FAF1: variants seen among roughly 807,000 people sequenced by gnomAD.
FAF1 encodes the protein FAS-associated factor 1.
FAF1 carries 25 observed loss-of-function variants against 92.5 expected under a neutral mutation model. The observed-to-expected ratio is 0.27, with a 90% CI of 0.20 to 0.38. The LOEUF (loss-of-function observed/expected upper bound fraction) is 0.38, where lower values mean the gene tolerates loss of function less well. Ranked by LOEUF, FAF1 falls within the 10% of genes least tolerant of loss-of-function variation. The pLI, the probability that FAF1 is intolerant of heterozygous loss-of-function variation, is 1.00. For missense variants in FAF1, 636 were observed against 793.3 expected, an observed-to-expected ratio of 0.80 and a Z score of 2.38; for synonymous variants, 234 against 273.2, an observed-to-expected ratio of 0.86 and a Z score of 1.42.
At chr1:50,545,356 C>T (rs1648959263) in intron 13 of FAF1, among the ~76,000 whole-genome samples, 1 of 152,006 alleles carries the variant, frequency 6.6e-6, no homozygotes, top group African/African-American at 2.4e-5. Context: ...CTTACTGCAA[C>T]CTCCGCCTCC....
At chr1:50,546,726 G>T (rs1163390843) in intron 13 of FAF1, among the ~76,000 whole-genome samples, 4 of 152,068 alleles carry the variant, frequency 2.6e-5, no homozygotes, top group Non-Finnish European at 5.9e-5. Flanking sequence ...CCTCTGGGGA[G>T]GGTCACATAG....
At chr1:50,510,670 T>TA (rs1191242524) in intron 15 of FAF1, among the ~76,000 whole-genome samples, 6 of 152,216 alleles carry the variant, frequency 3.9e-5, no homozygotes, top group African/African-American at 1.4e-4. Context: ...AGAAAATACT[T>TA]AAACTGTAAA....
chr1:50,890,577 C>A (rs1331274361), intron 1 of FAF1, among the ~76,000 whole-genome samples: 13 of 152,170 alleles, frequency 8.5e-5, no homozygotes, highest in Non-Finnish European at 8.8e-5. Flanking sequence ...AATCTCTCAG[C>A]ATTTGCTTGT....
intron 8 of FAF1, among the ~76,000 whole-genome samples, chr1:50,643,203 TTTTC>T (rs1166515960): frequency 1.3e-5 from 2 of 152,270 alleles, no homozygotes; most frequent in South Asian, 2.1e-4. Flanking sequence ...CTATATTTCT[TTTTC>T]TTTCTTTCTT....
intron 18 of FAF1, among the ~76,000 whole-genome samples, chr1:50,472,424 A>ACACACACACAC (rs1553216761): frequency 2.2e-4 from 21 of 96,146 alleles, no homozygotes; most frequent in African/African-American, 4.7e-4. Context: ...CACACACACA[A>ACACACACACAC]ACCCCAAAAC....
chr1:50,487,463 A>G (rs931071674), intron 17 of FAF1, among the ~76,000 whole-genome samples: 2 of 152,114 alleles, frequency 1.3e-5, no homozygotes, highest in African/African-American at 4.8e-5. Context: ...ATCCCTTTGA[A>G]TTGCATGTAT....
At chr1:50,924,569 T>G (rs1166440985) in intron 1 of FAF1, among the ~76,000 whole-genome samples, 1 of 152,138 alleles carries the variant, frequency 6.6e-6, no homozygotes, top group African/African-American at 2.4e-5. Flanking sequence ...ATCCTTAAGT[T>G]CATATAGAAG....
Position 50,583,421 on chromosome 1 carries a change from T to C in FAF1, c.1031+231A>G, listed in dbSNP as rs1422685568. ...AATAAAAATATTAAATTAGGATCCA[T>C]TTATTGAACGTCCATAAACATACAG... On this transcript the variant is annotated intron_variant, in intron 11 of 18. Coordinates refer to ENST00000396153, the MANE Select transcript of FAF1 (RefSeq NM_007051.3). The surrounding 1 kb of genome is among the most constrained non-coding windows in gnomAD (Gnocchi z 4.2). Among the ~76,000 whole-genome samples the C allele has an allele frequency of 1.3e-5, 2 of 152,022 alleles. No homozygotes were observed. The highest frequency in any genetic ancestry group is 4.8e-5 in the African/African-American group (2 of 41,452).
intron 2 of FAF1, chr1:50,846,810 A>G (rs943986522): frequency 1.6e-6 from 1 of 640,388 alleles, no homozygotes; most frequent in Non-Finnish European, 2.8e-6. Context: ...ACTTAAAGGA[A>G]AATTATATTA....
chr1:50,749,285 C>T (rs138974399), intron 4 of FAF1, among the ~76,000 whole-genome samples: 95 of 152,294 alleles, frequency 6.2e-4, no homozygotes, highest in African/African-American at 2.3e-3. Flanking sequence ...CTGACACCAC[C>T]TTCTTACACT....
chr1:50,783,600 G>A (rs1412057056), intron 4 of FAF1, among the ~76,000 whole-genome samples: 23 of 152,084 alleles, frequency 1.5e-4, no homozygotes, highest in Non-Finnish European at 7.4e-5. Context: ...TCGGCCAGGC[G>A]CGGTGGTTCA....
At chr1:50,906,105 A>G (rs1644835829) in intron 1 of FAF1, among the ~76,000 whole-genome samples, 1 of 152,220 alleles carries the variant, frequency 6.6e-6, no homozygotes, top group Non-Finnish European at 1.5e-5. Context: ...ATGGCTAGCC[A>G]GTTTTCCCAG....
intron 15 of FAF1, among the ~76,000 whole-genome samples, chr1:50,511,477 T>C (rs1647133498): frequency 6.6e-6 from 1 of 152,092 alleles, no homozygotes; most frequent in South Asian, 2.1e-4. Context: ...AACTCCCACT[T>C]ATGAGTGAGA....
chr1:50,659,091 G>T (rs1056908730), intron 7 of FAF1, among the ~76,000 whole-genome samples: 10 of 152,020 alleles, frequency 6.6e-5, no homozygotes, highest in Admixed American at 1.3e-4. Flanking sequence ...ACATAAAAAC[G>T]ATTCTGAAAA....
chr1:50,915,216 C>T (rs1001122171), intron 1 of FAF1, among the ~76,000 whole-genome samples: 1 of 151,966 alleles, frequency 6.6e-6, no homozygotes, highest in African/African-American at 2.4e-5. Flanking sequence ...ACTGAAAATA[C>T]AAAATCAGCT....
chr1:50,742,153 TAA>T (rs61200472), intron 5 of FAF1, among the ~76,000 whole-genome samples: 1 of 141,888 alleles, frequency 7.0e-6, no homozygotes, highest in Non-Finnish European at 1.5e-5. Flanking sequence ...TACAAAAATT[TAA>T]AAAAAAAAAA....
At chr1:50,746,073 A>T (rs1465705978) in intron 4 of FAF1, among the ~76,000 whole-genome samples, 2 of 151,490 alleles carry the variant, frequency 1.3e-5, no homozygotes, top group African/African-American at 4.9e-5. Flanking sequence ...GTTAGCAAAG[A>T]ACCTGGTGGC....
chr1:50,706,565 A>G (rs914522831), intron 6 of FAF1, among the ~76,000 whole-genome samples: 13 of 152,128 alleles, frequency 8.5e-5, no homozygotes, highest in Middle Eastern at 3.2e-3. Context: ...TCATGGTTCT[A>G]TTTTTATCTC....
chr1:50,754,458 G>C (rs1239961674), intron 4 of FAF1, among the ~76,000 whole-genome samples: 1 of 152,088 alleles, frequency 6.6e-6, no homozygotes, highest in African/African-American at 2.4e-5. Flanking sequence ...TACCAATTTT[G>C]TTCCCACTAA....
Sources: allele counts gnomAD v4.1 joint callset (sites outside exome capture counted in the v4.1 genomes callset), GRCh38; gene constraint gnomAD v4.1.1; non-coding constraint Gnocchi (gnomAD v3.1); transcripts MANE v1.5; gene names NCBI Gene and HGNC (gene_info 2026-07-23, HGNC 2026-07-21).